Variants in PLCH1 observed in about 807,000 individuals in gnomAD.
PLCH1 encodes the protein phospholipase C eta 1.
Under a neutral mutation model 126.7 loss-of-function variants are expected in PLCH1, and 60 were observed. The ratio of observed to expected loss-of-function variants is 0.47; its 90% confidence interval spans 0.38 to 0.59. The LOEUF is 0.59. PLCH1 is among the 20% of genes least tolerant of loss of function. The pLI is 0.00. For synonymous variants in PLCH1, 719 were observed against 734.9 expected (o/e 0.98, Z 0.35); for missense variants, 1,723 against 2,040.0 (o/e 0.84, Z 2.99).
At chr3:155,559,719 C>G (rs947580879) in intron 8 of PLCH1, among the ~76,000 whole-genome samples, 1 of 152,254 alleles carries the variant, frequency 6.6e-6, no homozygotes, top group East Asian at 1.9e-4. Flanking sequence ...CTCGTTTGTA[C>G]AAGTATCTGG....
intron 2 of PLCH1, among the ~76,000 whole-genome samples, chr3:155,638,601 T>G (rs1739010111): frequency 6.6e-6 from 1 of 152,236 alleles, no homozygotes; most frequent in Admixed American, 6.5e-5. Context: ...ATGTGAATGT[T>G]TATTTGTGAA....
chr3:155,464,044 G>A (rs1021036428), intron 21 of PLCH1, among the ~76,000 whole-genome samples: 1 of 152,200 alleles, frequency 6.6e-6, no homozygotes, highest in Non-Finnish European at 1.5e-5. Flanking sequence ...GGAGAAGGCA[G>A]ACATGTGAAG....
intron 6 of PLCH1, among the ~76,000 whole-genome samples, chr3:155,580,331 C>T (rs2108580547): frequency 6.6e-6 from 1 of 152,150 alleles, no homozygotes; most frequent in East Asian, 1.9e-4. Flanking sequence ...TTCATTCTTG[C>T]TAAAGCAAAA....
At chr3:155,707,389 A>G (rs570675043) in intron 1 of PLCH1, among the ~76,000 whole-genome samples, 29 of 152,290 alleles carry the variant, frequency 1.9e-4, no homozygotes, top group Admixed American at 1.8e-3. Context: ...TTTGACCTAT[A>G]GAAACAGCGA....
chr3:155,553,638 G>T (rs912016753), intron 9 of PLCH1, among the ~76,000 whole-genome samples: 6 of 152,124 alleles, frequency 3.9e-5, no homozygotes, highest in Admixed American at 1.3e-4. Context: ...GCAAGTAGTG[G>T]GGAGGAAATA....
At chr3:155,528,671 C>T (rs1016620328) in intron 10 of PLCH1, among the ~76,000 whole-genome samples, 4 of 152,094 alleles carry the variant, frequency 2.6e-5, no homozygotes, top group African/African-American at 7.2e-5. Context: ...AATAACATCA[C>T]CAAGAAAAGA....
At chr3:155,694,914 A>C (rs1339437028) in intron 2 of PLCH1, among the ~76,000 whole-genome samples, 1 of 143,362 alleles carries the variant, frequency 7.0e-6, no homozygotes, top group Non-Finnish European at 1.5e-5. Flanking sequence ...CCCCAACCCC[A>C]GGCCTCTTTT....
chr3:155,572,963 G>T (rs540917480), intron 6 of PLCH1, among the ~76,000 whole-genome samples: 2 of 151,890 alleles, frequency 1.3e-5, no homozygotes, highest in African/African-American at 4.8e-5. Flanking sequence ...GCCCAGGCTG[G>T]TCTCGAACTC....
At chr3:155,571,653 C>T (rs60170070) in intron 6 of PLCH1, among the ~76,000 whole-genome samples, 22,729 of 152,196 alleles carry the variant, frequency 0.15, 3,069 homozygotes, top group African/African-American at 0.37. Flanking sequence ...CCCACCTCGG[C>T]CTCCCAAAGT....
At chr3:155,679,146 C>T (rs1361045197) in intron 2 of PLCH1, among the ~76,000 whole-genome samples, 1 of 152,238 alleles carries the variant, frequency 6.6e-6, no homozygotes, top group Non-Finnish European at 1.5e-5. Context: ...TAAAACAAGA[C>T]ACCCAGTTAA....
chr3:155,614,221 C>T (rs6441001), intron 2 of PLCH1, among the ~76,000 whole-genome samples: 73,849 of 151,904 alleles, frequency 0.49, 20,334 homozygotes, highest in African/African-American at 0.74. Flanking sequence ...GACCATGCTG[C>T]CAAAAGCAAT....
At position 155,737,231 on chromosome 3, in the gene PLCH1, C is replaced by CAAAAAAAAAAAAAAAAAAAAAAA. The variant is rs557369057; in HGVS notation, c.-41+7608_-41+7609insTTTTTTTTTTTTTTTTTTTTTTT. 4.9e-4 allele frequency among the ~76,000 whole-genome samples: 29 copies of CAAAAAAAAAAAAAAAAAAAAAAA among 59,526 alleles called. 1 individual carries two copies. The highest frequency in any genetic ancestry group is 1.5e-3 in the African/African-American group (27 of 17,440). 39.1% of individuals were successfully genotyped at this position (59,526 alleles called of 152,430 possible). A position where few individuals can be genotyped will look rare whatever the true frequency, so the allele number is the denominator to read the frequency against. On this transcript the variant is annotated intron_variant, in intron 1 of 22. Coordinates refer to ENST00000460012, the MANE Select transcript of PLCH1 (RefSeq NM_014996.4). The stretch of plus-strand genomic sequence containing the variant: ...TGGGTGACAGAGCAAGCCTCCGTCT[C>CAAAAAAAAAAAAAAAAAAAAAAA]AAAAAAAAAAAAAAAAAAGAGTATA...
At chr3:155,682,189 G>C (rs1245233768) in intron 2 of PLCH1, among the ~76,000 whole-genome samples, 1 of 152,178 alleles carries the variant, frequency 6.6e-6, no homozygotes, top group Non-Finnish European at 1.5e-5. Context: ...ACTCACTAAA[G>C]ATGTAGTCAA....
chr3:155,488,498 A>C (rs545234065), intron 20 of PLCH1, among the ~76,000 whole-genome samples, 162 bp downstream of exon 20: 1 of 152,206 alleles, frequency 6.6e-6, no homozygotes, highest in South Asian at 2.1e-4. Flanking sequence ...CACCCAGCCC[A>C]ACTATACTCC....
intron 2 of PLCH1, among the ~76,000 whole-genome samples, chr3:155,683,417 T>C (rs1744684508): frequency 6.6e-6 from 1 of 152,194 alleles, no homozygotes; most frequent in South Asian, 2.1e-4. Flanking sequence ...TGATTTCAAC[T>C]TGAGCAATCC....
At chr3:155,625,535 A>T (rs1161993002) in intron 2 of PLCH1, among the ~76,000 whole-genome samples, 1 of 152,202 alleles carries the variant, frequency 6.6e-6, no homozygotes. Context: ...AATTTACAAG[A>T]AAAAAACAAC....
chr3:155,515,125 T>C (rs1720138664), intron 11 of PLCH1, among the ~76,000 whole-genome samples: 1 of 152,196 alleles, frequency 6.6e-6, no homozygotes, highest in African/African-American at 2.4e-5. Context: ...CTGCATTCAG[T>C]CCTCAGGAAC....
intron 2 of PLCH1, among the ~76,000 whole-genome samples, chr3:155,646,565 T>C (rs189998909): frequency 3.9e-5 from 6 of 152,334 alleles, no homozygotes; most frequent in Admixed American, 3.3e-4. Flanking sequence ...TTCAACTCCA[T>C]AATGAGAGTT....
chr3:155,541,000 TCAA>T (rs1411699137), intron 10 of PLCH1, among the ~76,000 whole-genome samples: 5 of 152,112 alleles, frequency 3.3e-5, no homozygotes, highest in African/African-American at 1.2e-4. Context: ...TGCCCATCAA[TCAA>T]CGAGTGGATA....
Sources: allele counts gnomAD v4.1 joint callset (sites outside exome capture counted in the v4.1 genomes callset), GRCh38; gene constraint gnomAD v4.1.1; transcripts MANE v1.5; gene names NCBI Gene and HGNC (gene_info 2026-07-23, HGNC 2026-07-21).